Variants in SLC24A3 observed in about 807,000 individuals in gnomAD.
SLC24A3 encodes solute carrier family 24 member 3.
In SLC24A3, 28 loss-of-function variants were observed where a neutral mutation model predicts 75.8. That is an observed-to-expected ratio of 0.37 (90% CI 0.27 to 0.51). The LOEUF is 0.51. Ranked by LOEUF, SLC24A3 falls within the 20% of genes least tolerant of loss-of-function variation. The pLI is 0.94. For synonymous variants in SLC24A3, 372 were observed against 334.1 expected (o/e 1.11, Z -1.24); for missense variants, 663 against 847.8 (o/e 0.78, Z 2.71).
At chr20:19,680,539 A>G (rs544715919) in intron 9 of SLC24A3, among the ~76,000 whole-genome samples, 2 of 152,322 alleles carry the variant, frequency 1.3e-5, no homozygotes, top group East Asian at 1.9e-4. Flanking sequence ...GTCTGCATCC[A>G]TTATTTCGTT....
chr20:19,370,894 G>A (rs1377656470), intron 2 of SLC24A3, among the ~76,000 whole-genome samples: 3 of 152,136 alleles, frequency 2.0e-5, no homozygotes, highest in Non-Finnish European at 2.9e-5. Context: ...TCAGCAGCCT[G>A]GTGGGTCCCG....
intron 2 of SLC24A3, among the ~76,000 whole-genome samples, chr20:19,436,552 T>G (rs1338616019): frequency 6.6e-6 from 1 of 152,214 alleles, no homozygotes; most frequent in East Asian, 1.9e-4. Flanking sequence ...TAGACAGCAC[T>G]AGAGCAAAGG....
At chr20:19,339,501 G>C (rs1332332711) in intron 2 of SLC24A3, among the ~76,000 whole-genome samples, 2 of 152,188 alleles carry the variant, frequency 1.3e-5, no homozygotes, top group African/African-American at 4.8e-5. Flanking sequence ...AAAAGTAGAA[G>C]AAACAGGTTA....
intron 2 of SLC24A3, among the ~76,000 whole-genome samples, chr20:19,495,512 C>T (rs548488187): frequency 1.6e-4 from 25 of 152,200 alleles, no homozygotes; most frequent in Admixed American, 9.8e-4. Flanking sequence ...TGTAGCCGCT[C>T]AGCTATTCAT....
intron 2 of SLC24A3, among the ~76,000 whole-genome samples, chr20:19,468,172 T>C (rs1267976183): frequency 6.6e-6 from 1 of 152,110 alleles, no homozygotes; most frequent in Non-Finnish European, 1.5e-5. Context: ...ATTTTGTCTT[T>C]GAAAACTAGA....
intron 2 of SLC24A3, among the ~76,000 whole-genome samples, chr20:19,466,941 A>G (rs1987776017): frequency 1.3e-5 from 2 of 152,262 alleles, no homozygotes; most frequent in Non-Finnish European, 2.9e-5. Context: ...GGAATAAGAC[A>G]GGGTCCCTGA....
At chr20:19,313,750 G>T (rs950630335) in intron 2 of SLC24A3, among the ~76,000 whole-genome samples, 3 of 152,246 alleles carry the variant, frequency 2.0e-5, no homozygotes, top group African/African-American at 7.2e-5. Flanking sequence ...TTCAGAGCAG[G>T]TCCTGGGGAT....
At chr20:19,708,433 A>G (rs560991377) in intron 15 of SLC24A3, among the ~76,000 whole-genome samples, 1 of 152,304 alleles carries the variant, frequency 6.6e-6, no homozygotes, top group South Asian at 2.1e-4. Context: ...ACCATTCCGA[A>G]TTCAGGCTCC....
At chr20:19,272,929 G>T (rs572923294) in intron 1 of SLC24A3, among the ~76,000 whole-genome samples, 5 of 152,268 alleles carry the variant, frequency 3.3e-5, no homozygotes, top group African/African-American at 1.2e-4. Flanking sequence ...ACAGGTTTTT[G>T]TGAAGGAAGT....
intron 2 of SLC24A3, among the ~76,000 whole-genome samples, chr20:19,377,351 A>G (rs927792754): frequency 2.0e-5 from 3 of 152,192 alleles, no homozygotes; most frequent in Non-Finnish European, 2.9e-5. Context: ...ACAATGGAAT[A>G]GAGCACAGTA....
intron 2 of SLC24A3, among the ~76,000 whole-genome samples, chr20:19,512,671 A>T (rs2029904617): frequency 6.6e-6 from 1 of 152,242 alleles, no homozygotes; most frequent in Non-Finnish European, 1.5e-5. Context: ...CAGTGGCCTC[A>T]TGCACGGGGC....
chr20:19,640,605 C>A (rs1034640083), intron 6 of SLC24A3, among the ~76,000 whole-genome samples: 2 of 152,058 alleles, frequency 1.3e-5, no homozygotes, highest in Non-Finnish European at 2.9e-5. Context: ...CAAAAATTAG[C>A]CAGATGTGGT....
At chr20:19,524,833 A>G (rs2030168732) in intron 3 of SLC24A3, among the ~76,000 whole-genome samples, 1 of 152,242 alleles carries the variant, frequency 6.6e-6, no homozygotes, top group Non-Finnish European at 1.5e-5. Context: ...ACAAAAGCTA[A>G]GTAAATAATG....
intron 3 of SLC24A3, among the ~76,000 whole-genome samples, chr20:19,552,062 T>C (rs2122600087): frequency 6.6e-6 from 1 of 152,362 alleles, no homozygotes; most frequent in East Asian, 1.9e-4. Flanking sequence ...TAAAAGAGTT[T>C]AGTTTCCAAG....
chr20:19,453,279 G>T (rs571210987), intron 2 of SLC24A3, among the ~76,000 whole-genome samples: 1 of 152,100 alleles, frequency 6.6e-6, no homozygotes. Context: ...GAGCCCAGGA[G>T]TTTGAGGCTA....
chr20:19,502,653 C>T (rs1254147263), intron 2 of SLC24A3, among the ~76,000 whole-genome samples: 1 of 151,954 alleles, frequency 6.6e-6, no homozygotes, highest in Admixed American at 6.6e-5. Context: ...CCTATTAGAA[C>T]AAAACTCAAC....
At chr20:19,619,743 C>T (rs1277953847) in intron 6 of SLC24A3, among the ~76,000 whole-genome samples, 2 of 151,942 alleles carry the variant, frequency 1.3e-5, no homozygotes, top group Non-Finnish European at 2.9e-5. Flanking sequence ...TATTAGTATA[C>T]GTTGTATGTA....
intron 2 of SLC24A3, among the ~76,000 whole-genome samples, chr20:19,397,654 T>C (rs935203154): frequency 2.8e-5 from 4 of 143,392 alleles, no homozygotes; most frequent in Admixed American, 6.8e-5. Context: ...TTTCTTTTTT[T>C]TTTTTTTTTT....
At chr20:19,559,357 T>G (rs2030837580) in intron 3 of SLC24A3, among the ~76,000 whole-genome samples, 1 of 152,252 alleles carries the variant, frequency 6.6e-6, no homozygotes. Context: ...ATTGAATACA[T>G]GTACTTCATA....
Sources: gnomAD v4.1 joint callset for allele counts (sites outside exome capture counted in the v4.1 genomes callset) on GRCh38, gnomAD v4.1.1 for gene constraint, MANE v1.5 for transcripts, NCBI Gene and HGNC (gene_info 2026-07-23, HGNC 2026-07-21) for gene names.